ATP9B: variants seen among roughly 807,000 people sequenced by gnomAD.
ATP9B encodes probable phospholipid-transporting ATPase IIB.
ATP9B carries 110 observed loss-of-function variants against 146.1 expected under a neutral mutation model. That is an observed-to-expected ratio of 0.75 (90% CI 0.65 to 0.88). The LOEUF is 0.88. ATP9B is among the 40% of genes least tolerant of loss of function. ATP9B has a pLI of 0.00. For synonymous variants in ATP9B, 604 were observed against 569.7 expected (o/e 1.06, Z -0.86); for missense variants, 1,499 against 1,496.4 (o/e 1.00, Z -0.03).
intron 9 of ATP9B, among the ~76,000 whole-genome samples, chr18:79,195,939 A>T (rs1309061265): frequency 1.3e-5 from 2 of 152,242 alleles, no homozygotes; most frequent in East Asian, 3.8e-4. Context: ...AGTGTGTGTT[A>T]TTAAATACAA....
chr18:79,367,700 A>G (rs950131941), intron 26 of ATP9B, among the ~76,000 whole-genome samples: 4 of 152,282 alleles, frequency 2.6e-5, no homozygotes, highest in Non-Finnish European at 4.4e-5. Context: ...CCAGGGTCAC[A>G]GTTCCCATCA....
chr18:79,326,829 G>A (rs1156667421), intron 15 of ATP9B, among the ~76,000 whole-genome samples: 1 of 152,192 alleles, frequency 6.6e-6, no homozygotes, highest in Non-Finnish European at 1.5e-5. Flanking sequence ...AGAAAGCTGA[G>A]GGTAGAGCCC....
At position 79,347,673 on chromosome 18, in the gene ATP9B, T is replaced by A. The variant is rs1600240823; in HGVS notation, c.2683-97T>A. 16 of 1,370,092 alleles carry A rather than the reference T, an allele frequency of 1.2e-5. 1 individual carries two copies. The East Asian group carries it at 3.9e-4, about 34-fold the overall frequency. 84.9% of individuals were successfully genotyped at this position (1,370,092 alleles called of 1,614,324 possible). A position where few individuals can be genotyped will look rare whatever the true frequency, so the allele number is the denominator to read the frequency against. On this transcript the variant is annotated intron_variant, in intron 23 of 29. Transcript: ENST00000426216. ...ACAAGTTCTGCAGAGAGAATTTCGG[T>A]CTTTGTAACATTTAGGCTGAGTTCT...
At position 79,303,687 on chromosome 18, in the gene ATP9B, C is replaced by A. The variant is rs761062099; in HGVS notation, c.1495C>A (p.Gln499Lys). The A allele has an allele frequency of 3.7e-6, 6 of 1,614,020 alleles. No individual in the cohort carries two copies. The South Asian group carries it at 6.6e-5, about 18-fold the overall frequency. Reference sequence around the variant, plus strand: ...TGGCGCCGACACGATGGATGAGATCCAGAGCCATGTCAGGGACTCCTACTC... The same window carrying A: ...TGGCGCCGACACGATGGATGAGATCAAGAGCCATGTCAGGGACTCCTACTC... ...SYGADTMDEI[Q>K]SHVRDSYSQM... The change falls in exon 14 of 30, where the codon CAG (glutamine) becomes AAG (lysine). Residue 499 changes from glutamine to lysine, a missense_variant. By Grantham distance (53) the Gln-to-Lys change is moderately conservative. Coordinates refer to ENST00000426216, the MANE Select transcript of ATP9B (RefSeq NM_198531.5).
intron 9 of ATP9B, chr18:79,194,744 T>C (rs1347701188): frequency 6.6e-6 from 1 of 152,188 alleles, no homozygotes; most frequent in Admixed American, 6.5e-5. Context: ...TTAGCAGAAA[T>C]GTGAGACAGA....
intron 7 of ATP9B, among the ~76,000 whole-genome samples, chr18:79,174,423 G>C (rs1338272153): frequency 6.6e-6 from 1 of 152,138 alleles, no homozygotes; most frequent in Non-Finnish European, 1.5e-5. Context: ...CTATTGAACA[G>C]GGATTTCTTA....
chr18:79,191,472 G>A (rs1012967712), intron 8 of ATP9B, among the ~76,000 whole-genome samples: 22 of 152,122 alleles, frequency 1.4e-4, no homozygotes, highest in East Asian at 3.9e-4. Context: ...GTTAGACTCC[G>A]CGATATTCCC....
intron 17 of ATP9B, among the ~76,000 whole-genome samples, chr18:79,332,165 T>TA (rs1208574432): frequency 2.6e-5 from 4 of 152,144 alleles, no homozygotes; most frequent in African/African-American, 9.6e-5. Context: ...TACGGTGGCT[T>TA]ACGCCTGTAA....
At chr18:79,255,309 T>A (rs182637873) in intron 12 of ATP9B, 1 of 152,330 alleles carries the variant, frequency 6.6e-6, no homozygotes, top group East Asian at 1.9e-4. Context: ...ATGCCAGAAT[T>A]TACTTCTTCA....
chr18:79,332,333 G>A (rs1204998172), intron 17 of ATP9B, among the ~76,000 whole-genome samples: 1 of 152,232 alleles, frequency 6.6e-6, no homozygotes, highest in African/African-American at 2.4e-5. Flanking sequence ...GGAGGCTGAG[G>A]CAGGAGAATG....
At chr18:79,167,430 T>G (rs1359404383) in intron 7 of ATP9B, among the ~76,000 whole-genome samples, 1 of 151,694 alleles carries the variant, frequency 6.6e-6, no homozygotes, top group African/African-American at 2.4e-5. Flanking sequence ...AGACCCGGAG[T>G]AGGTAGCTCC....
chr18:79,333,421 G>T (rs915208222), intron 17 of ATP9B, among the ~76,000 whole-genome samples: 2 of 152,146 alleles, frequency 1.3e-5, no homozygotes, highest in Non-Finnish European at 2.9e-5. Context: ...CACAAACCAG[G>T]TTTACTAGTA....
chr18:79,080,879 C>T (rs775776626), intron 1 of ATP9B, among the ~76,000 whole-genome samples: 21 of 151,748 alleles, frequency 1.4e-4, no homozygotes, highest in Non-Finnish European at 2.2e-4. Flanking sequence ...TTGAGATAAT[C>T]GTGGTTTTTG....
intron 11 of ATP9B, among the ~76,000 whole-genome samples, chr18:79,242,741 A>G (rs1057042910): frequency 2.0e-5 from 3 of 152,136 alleles, no homozygotes; most frequent in African/African-American, 7.2e-5. Flanking sequence ...ACAATTCTCA[A>G]CTCTTGGGAT....
chr18:79,257,870 T>C (rs971729391), intron 12 of ATP9B, among the ~76,000 whole-genome samples: 5 of 152,260 alleles, frequency 3.3e-5, no homozygotes, highest in African/African-American at 1.2e-4. Context: ...TGCTTCTCTT[T>C]CACCACGTAA....
intron 13 of ATP9B, among the ~76,000 whole-genome samples, chr18:79,283,994 C>T (rs1021368557): frequency 1.3e-5 from 2 of 152,184 alleles, no homozygotes; most frequent in African/African-American, 4.8e-5. Context: ...TTACTAAAAA[C>T]ACCCACTAAA....
intron 11 of ATP9B, among the ~76,000 whole-genome samples, chr18:79,216,990 C>T (rs749250976): frequency 1.3e-5 from 2 of 152,164 alleles, no homozygotes; most frequent in Non-Finnish European, 2.9e-5. Context: ...ATGGTAGGCA[C>T]TTGTCTAAAA....
rs1444242305 is a variant in ATP9B at position 79,208,980 on chromosome 18, C to T, written c.1030+1968C>T. 3.3e-5 allele frequency among the ~76,000 whole-genome samples: 5 copies of T among 152,346 alleles called. No individual in the cohort carries two copies. The East Asian group carries it at 9.7e-4, about 29-fold the overall frequency. ...GCACATTTAGCCAGGGAAACCTGCC[C>T]TCCAGCCTTCTTCATGCTGCTGCCT... On this transcript the variant is annotated intron_variant, in intron 10 of 29. Transcript: ENST00000426216.
In ATP9B at chr18:79,375,388, G is replaced by T; in HGVS notation, c.3275-6G>T. ...CTTTATTTTCTTTATTACTGTTTTG[G>T]AACAGGTATAGGCAGAGTGTCTTTT... On this transcript the variant is annotated splice_polypyrimidine_tract_variant and splice_region_variant and intron_variant, in intron 28 of 29. Transcript: ENST00000426216. 1 of 1,608,866 alleles carries T rather than the reference G, an allele frequency of 6.2e-7. No individual in the cohort carries two copies. Among genetic ancestry groups the T allele is most frequent in the Non-Finnish European group, 8.5e-7 (1 of 1,176,058 alleles).
Sources: gnomAD v4.1 joint callset for allele counts (sites outside exome capture counted in the v4.1 genomes callset) on GRCh38, gnomAD v4.1.1 for gene constraint, MANE v1.5 for transcripts, NCBI Gene and HGNC (gene_info 2026-07-23, HGNC 2026-07-21) for gene names.